The following CSPP1 variants were observed in gnomAD, a reference collection of about 807,000 sequenced individuals.
The protein encoded by CSPP1 is centrosome and spindle pole associated protein 1.
In CSPP1, 126 loss-of-function variants were observed where a neutral mutation model predicts 164.4. The ratio of observed to expected loss-of-function variants is 0.77; its 90% CI spans 0.66 to 0.89. The LOEUF (loss-of-function observed/expected upper bound fraction) is 0.89. Ranked by LOEUF, CSPP1 falls within the 40% of genes least tolerant of loss-of-function variation. CSPP1 has a pLI of 0.00. For synonymous variants in CSPP1, 472 were observed against 476.7 expected, an observed-to-expected ratio of 0.99 and a Z score of 0.13; for missense variants, 1,395 against 1,449.8, an observed-to-expected ratio of 0.96 and a Z score of 0.61.
intron 9 of CSPP1, among the ~76,000 whole-genome samples, chr8:67,107,718 A>G (rs1336582302): frequency 6.6e-6 from 1 of 152,074 alleles, no homozygotes; most frequent in Non-Finnish European, 1.5e-5. Flanking sequence ...TCTTCCTATA[A>G]TTTTGCCCCA....
chr8:67,143,677 G>A (rs532985854), intron 17 of CSPP1, among the ~76,000 whole-genome samples: 1 of 152,048 alleles, frequency 6.6e-6, no homozygotes, highest in South Asian at 2.1e-4. Flanking sequence ...ATTTCATGTG[G>A]TTTGAAGCTA....
chr8:67,110,168 GT>G (rs113870388), intron 9 of CSPP1, among the ~76,000 whole-genome samples: 13,400 of 146,064 alleles, frequency 0.092, 1,233 homozygotes, highest in African/African-American at 0.24. Flanking sequence ...GCAGTCTGAG[GT>G]TTTTTTTTTT....
chr8:67,190,211 C>T (rs933331013), intron 28 of CSPP1, among the ~76,000 whole-genome samples: 14 of 152,228 alleles, frequency 9.2e-5, no homozygotes, highest in South Asian at 8.3e-4. Flanking sequence ...CAAAATATGA[C>T]GTATCCATAT....
chr8:67,129,639 C>T (rs1820806486), intron 15 of CSPP1, among the ~76,000 whole-genome samples: 1 of 152,044 alleles, frequency 6.6e-6, no homozygotes, highest in Non-Finnish European at 1.5e-5. Context: ...AATGGATAAA[C>T]AAAATGTGTT....
chr8:67,068,790 G>A (rs1001869039), intron 1 of CSPP1, among the ~76,000 whole-genome samples: 1 of 152,166 alleles, frequency 6.6e-6, no homozygotes, highest in Non-Finnish European at 1.5e-5. Flanking sequence ...CATCAGATAA[G>A]GCCGCTCTGT....
intron 17 of CSPP1, among the ~76,000 whole-genome samples, chr8:67,146,185 CG>C (rs1428875007): frequency 2.0e-5 from 3 of 149,448 alleles, no homozygotes; most frequent in Admixed American, 2.0e-4. Flanking sequence ...TGCAATGGCA[CG>C]GTCATGCCTC....
rs1172369424 is a variant in CSPP1, at chr8:67,159,509, C to CTTTT, written c.2538+398_2538+401dup. ...GTTTATATATATATATATATGTATT[C>CTTTT]TTTTTTTTTTTTTTTTTTTTTTTTT... On this transcript the variant is annotated intron_variant, in intron 21 of 30. Coordinates refer to ENST00000678616, the MANE Select transcript of CSPP1 (RefSeq NM_001382391.1). Among the ~76,000 whole-genome samples the CTTTT allele has an allele frequency of 1.0e-3, 50 of 48,914 alleles. 7 individuals carry two copies. The highest frequency in any genetic ancestry group is 1.3e-3 in the East Asian group (2 of 1,502). 32.1% of individuals were successfully genotyped at this position (48,914 alleles called of 152,430 possible).
chr8:67,082,441 T>C (rs1236320414), intron 3 of CSPP1, among the ~76,000 whole-genome samples: 1 of 152,224 alleles, frequency 6.6e-6, no homozygotes, highest in Non-Finnish European at 1.5e-5. Context: ...ATTCATTTTG[T>C]ATGAGTGAAA....
At chr8:67,125,701 C>A (rs1348743309) in intron 15 of CSPP1, among the ~76,000 whole-genome samples, 3 of 152,094 alleles carry the variant, frequency 2.0e-5, no homozygotes, top group Non-Finnish European at 4.4e-5. Context: ...GTTTCTTCTG[C>A]CTGCTCGAAT....
At chr8:67,150,069 C>T in intron 18 of CSPP1, 134 bp downstream of exon 18, 1 of 879,180 alleles carries the variant, frequency 1.1e-6, no homozygotes, top group East Asian at 3.1e-5. Context: ...ACATAACACA[C>T]TATTCATAAA....
At chr8:67,130,984 G>A (rs1029163578) in intron 15 of CSPP1, among the ~76,000 whole-genome samples, 4 of 151,984 alleles carry the variant, frequency 2.6e-5, no homozygotes, top group Non-Finnish European at 5.9e-5. Context: ...GTGAAACTCC[G>A]TCTCAAAACA....
intron 7 of CSPP1, 97 bp downstream of exon 7, chr8:67,095,829 C>T (rs1274068279): frequency 2.8e-6 from 2 of 719,604 alleles, no homozygotes; most frequent in African/African-American, 3.6e-5. Context: ...TAGGGAGAAG[C>T]AGTTTTGATT....
Position 67,111,963 on chromosome 8 carries a change from A to G in CSPP1, c.1094-9A>G. Reference sequence around the variant, plus strand: ...GTTAAGATTGTATTTTTCTCATACCACTATCTAGGAGGTGAAGATCGAGAA... The same window carrying G: ...GTTAAGATTGTATTTTTCTCATACCGCTATCTAGGAGGTGAAGATCGAGAA... On this transcript the variant is annotated splice_polypyrimidine_tract_variant and intron_variant, in intron 9 of 30. Transcript: ENST00000678616. 2 of 1,560,164 alleles carry G rather than the reference A, an allele frequency of 1.3e-6. No homozygotes were observed. The highest frequency in any genetic ancestry group is 1.1e-5 in the South Asian group (1 of 87,546).
chr8:67,085,675 A>G (rs1810244215), intron 3 of CSPP1, among the ~76,000 whole-genome samples: 1 of 152,164 alleles, frequency 6.6e-6, no homozygotes, highest in African/African-American at 2.4e-5. Flanking sequence ...TATAATGCAC[A>G]CATGCATATA....
intron 24 of CSPP1, among the ~76,000 whole-genome samples, chr8:67,172,154 A>ATTTTTTTT (rs540548645): frequency 2.4e-5 from 3 of 124,878 alleles, no homozygotes; most frequent in African/African-American, 3.1e-5. Flanking sequence ...TGGCCTCATA[A>ATTTTTTTT]TTTTTTTTTT....
chr8:67,182,505 G>A (rs2129571829), intron 28 of CSPP1, among the ~76,000 whole-genome samples: 1 of 152,310 alleles, frequency 6.6e-6, no homozygotes, highest in Admixed American at 6.5e-5. Flanking sequence ...TACACTAAGA[G>A]ATAGCATTTG....
intron 8 of CSPP1, among the ~76,000 whole-genome samples, chr8:67,104,172 C>A (rs1814831073): frequency 6.6e-6 from 1 of 151,282 alleles, no homozygotes; most frequent in South Asian, 2.1e-4. Context: ...ATAAACACTG[C>A]TTGCAATAAG....
At chr8:67,123,222 A>AT (rs1819339089) in intron 15 of CSPP1, 2 of 152,040 alleles carry the variant, frequency 1.3e-5, no homozygotes, top group African/African-American at 4.8e-5. Context: ...TGACTTGTGT[A>AT]TTATTCTCTT....
At chr8:67,106,468 C>A (rs1178043977) in intron 9 of CSPP1, among the ~76,000 whole-genome samples, 1 of 152,086 alleles carries the variant, frequency 6.6e-6, no homozygotes, top group Non-Finnish European at 1.5e-5. Context: ...TTAGCTAGTA[C>A]AAAACTGCTG....
Sources: gnomAD v4.1 joint callset for allele counts (sites outside exome capture counted in the v4.1 genomes callset) on GRCh38, gnomAD v4.1.1 for gene constraint, MANE v1.5 for transcripts, NCBI Gene and HGNC (gene_info 2026-07-23, HGNC 2026-07-21) for gene names.